ADCY9: variants seen among roughly 807,000 people sequenced by gnomAD.
ADCY9 encodes adenylate cyclase 9.
A neutral mutation model predicts 101.5 loss-of-function variants in ADCY9; 50 were observed. The ratio of observed to expected loss-of-function variants is 0.49; its 90% CI spans 0.39 to 0.62. The LOEUF is 0.62. Among genes scored for constraint, ADCY9 ranks in the 20% least tolerant of loss-of-function variants. The pLI is 0.00. For synonymous variants in ADCY9, 905 were observed against 769.3 expected, an observed-to-expected ratio of 1.18 and a Z score of -2.92; for missense variants, 1,662 against 1,800.4, an observed-to-expected ratio of 0.92 and a Z score of 1.39.
intron 10 of ADCY9, among the ~76,000 whole-genome samples, chr16:3,969,569 A>AAAAAATATATAT (rs2056029345): frequency 2.2e-5 from 1 of 45,228 alleles, no homozygotes; most frequent in Non-Finnish European, 4.4e-5. Context: ...GTTTGTTTGA[A>AAAAAATATATAT]ATATATATAT....
intron 2 of ADCY9, among the ~76,000 whole-genome samples, chr16:4,037,579 T>C (rs1236741845): frequency 2.6e-5 from 4 of 152,204 alleles, no homozygotes; most frequent in Admixed American, 1.3e-4. Context: ...AGATATCTAG[T>C]AGTGGGATTA....
At chr16:3,955,381 G>T (rs2055901588) in intron 5 of ADCY9, among the ~76,000 whole-genome samples, 1 of 152,232 alleles carries the variant, frequency 6.6e-6, no homozygotes, top group Non-Finnish European at 1.5e-5. Context: ...ACATAAAACA[G>T]TTGCACCTTA....
intron 2 of ADCY9, among the ~76,000 whole-genome samples, chr16:4,101,147 T>C (rs1277321084): frequency 6.6e-6 from 1 of 152,330 alleles, no homozygotes; most frequent in Middle Eastern, 3.4e-3. Context: ...CCATTTAGTA[T>C]CCCTTTCTGG....
chr16:4,061,502 T>A (rs181467435), intron 2 of ADCY9, among the ~76,000 whole-genome samples: 2 of 152,170 alleles, frequency 1.3e-5, no homozygotes, highest in African/African-American at 2.4e-5. Context: ...AGCACTACCA[T>A]AAGATTAACA....
intron 2 of ADCY9, among the ~76,000 whole-genome samples, chr16:4,043,729 T>C (rs2056643553): frequency 1.3e-5 from 2 of 152,124 alleles, no homozygotes. Context: ...CTTTTATTCT[T>C]TGCCTAGAAT....
chr16:4,043,551 G>C (rs898611304), intron 2 of ADCY9, among the ~76,000 whole-genome samples: 12 of 151,822 alleles, frequency 7.9e-5, no homozygotes, highest in African/African-American at 2.9e-4. Context: ...GCACGTGCCT[G>C]TAATCTCAGC....
downstream of ADCY9, among the ~76,000 whole-genome samples, chr16:3,959,897 A>G (rs1447820386): frequency 6.6e-6 from 1 of 151,918 alleles, no homozygotes; most frequent in Non-Finnish European, 1.5e-5. Flanking sequence ...GTGGTGGCGC[A>G]TGCCTGTAAT....
rs1045018742 is a variant in ADCY9, at chr16:3,963,430, G to A, written c.*2345C>T. 3.0e-5 allele frequency: 12 copies of A among 398,186 alleles called. No homozygotes were observed. Among genetic ancestry groups the A allele is most frequent in the Non-Finnish European group, 4.4e-5 (10 of 225,640 alleles). The allele number at this position is 398,186 out of a possible 1,614,324, so 24.7% of individuals were successfully genotyped here. On this transcript the variant is annotated 3_prime_UTR_variant, in exon 11 of 11. Coordinates refer to ENST00000294016, the MANE Select transcript of ADCY9 (RefSeq NM_001116.4). ...TGAGGTATGCATCGGAGCAGGGGAC[G>A]GGGAGGACCCGAGGGGCTTCGTGGC...
intron 2 of ADCY9, among the ~76,000 whole-genome samples, chr16:4,024,474 G>A (rs966739308): frequency 6.6e-6 from 1 of 152,174 alleles, no homozygotes; most frequent in Non-Finnish European, 1.5e-5. Context: ...TCAAGAACAG[G>A]AAATTAACTA....
intron 2 of ADCY9, among the ~76,000 whole-genome samples, chr16:4,020,165 C>A (rs2056465344): frequency 6.6e-6 from 1 of 152,196 alleles, no homozygotes; most frequent in Non-Finnish European, 1.5e-5. Context: ...CTGTGGCCTC[C>A]AGGCACATGT....
intron 3 of ADCY9, among the ~76,000 whole-genome samples, chr16:4,005,278 G>C (rs1313183843): frequency 6.6e-6 from 1 of 152,202 alleles, no homozygotes; most frequent in Non-Finnish European, 1.5e-5. Context: ...GCCTAAGCTG[G>C]AGTGCAGTGG....
chr16:4,068,532 T>C (rs1009002512), intron 2 of ADCY9, among the ~76,000 whole-genome samples: 4 of 152,114 alleles, frequency 2.6e-5, no homozygotes, highest in African/African-American at 4.8e-5. Context: ...TCACAGTTCA[T>C]GGCCGGGCAC....
chr16:3,997,571 G>A (rs1669729173), intron 3 of ADCY9, among the ~76,000 whole-genome samples: 1 of 152,252 alleles, frequency 6.6e-6, no homozygotes, highest in Non-Finnish European at 1.5e-5. Flanking sequence ...CTTGCAGAAG[G>A]AAGGGGGCTG....
At chr16:3,971,286 G>A (rs953252174) in intron 10 of ADCY9, among the ~76,000 whole-genome samples, 5 of 152,062 alleles carry the variant, frequency 3.3e-5, no homozygotes, top group South Asian at 2.1e-4. Flanking sequence ...AGCTGGTGCC[G>A]GCTTCCTCCA....
chr16:4,009,024 T>G (rs1196242877), intron 2 of ADCY9, among the ~76,000 whole-genome samples: 2 of 152,174 alleles, frequency 1.3e-5, no homozygotes, highest in African/African-American at 4.8e-5. Flanking sequence ...AGGGACTACT[T>G]CATCAATAAT....
At chr16:4,070,987 A>T (rs1011010542) in intron 2 of ADCY9, among the ~76,000 whole-genome samples, 1 of 151,776 alleles carries the variant, frequency 6.6e-6, no homozygotes, top group Non-Finnish European at 1.5e-5. Flanking sequence ...CAAGATAAAT[A>T]ATATAACCAC....
At chr16:4,048,459 G>A (rs558173896) in intron 2 of ADCY9, among the ~76,000 whole-genome samples, 1 of 152,226 alleles carries the variant, frequency 6.6e-6, no homozygotes, top group South Asian at 2.1e-4. Context: ...GCAAATGGCA[G>A]TACAATGGCA....
At chr16:3,961,639 G>A (rs373298640), downstream of ADCY9, among the ~76,000 whole-genome samples, 22 of 152,054 alleles carry the variant, frequency 1.4e-4, no homozygotes, top group African/African-American at 4.3e-4. Flanking sequence ...CTGCACCCCC[G>A]CAAGTCCATG....
chr16:4,029,662 T>G (rs1169519802), intron 2 of ADCY9, among the ~76,000 whole-genome samples: 1 of 152,134 alleles, frequency 6.6e-6, no homozygotes, highest in East Asian at 1.9e-4. Context: ...CAAAAGAATG[T>G]TGAACCCGGG....
Sources: gnomAD v4.1 joint callset for allele counts (sites outside exome capture counted in the v4.1 genomes callset) on GRCh38, gnomAD v4.1.1 for gene constraint, MANE v1.5 for transcripts, NCBI Gene and HGNC (gene_info 2026-07-23, HGNC 2026-07-21) for gene names.